Variants in DCLK1 observed in about 807,000 individuals in gnomAD.
DCLK1 encodes serine/threonine-protein kinase DCLK1.
A neutral mutation model predicts 86.2 loss-of-function variants in DCLK1; 16 were observed. The ratio of observed to expected loss-of-function variants is 0.19; its 90% CI spans 0.13 to 0.28. The LOEUF is 0.28. DCLK1 is among the 10% of genes least tolerant of loss of function. DCLK1 has a pLI of 1.00. For missense variants in DCLK1, 590 were observed against 940.2 expected, an observed-to-expected ratio of 0.63 and a Z score of 4.87; for synonymous variants, 369 against 370.5, an observed-to-expected ratio of 1.00 and a Z score of 0.05.
In DCLK1 at chr13:35,901,491, C is replaced by CAAAAAAAAAAAAAAAAAA. The variant is rs58801666; in HGVS notation, c.824-30169_824-30152dup. Among the ~76,000 whole-genome samples, 4 of 45,878 alleles carry CAAAAAAAAAAAAAAAAAA rather than the reference C, an allele frequency of 8.7e-5. 1 individual carries two copies. Among genetic ancestry groups the CAAAAAAAAAAAAAAAAAA allele is most frequent in the African/African-American group, 3.9e-4 (4 of 10,368 alleles). The allele number at this position is 45,878 out of a possible 152,430, so 30.1% of individuals were successfully genotyped here. On this transcript the variant is annotated intron_variant, in intron 4 of 16. Coordinates refer to ENST00000360631, the MANE Select transcript of DCLK1 (RefSeq NM_001330071.2). Reference sequence around the variant, plus strand: ...GGTGACAGAGTGAGAGACTCTGTCTCAAAAAAAAAAAAAAAAAAAAAAAAA... The same window carrying CAAAAAAAAAAAAAAAAAA: ...GGTGACAGAGTGAGAGACTCTGTCTCAAAAAAAAAAAAAAAAAAAAAAAAAAAAAAAAAAAAAAAAAAA...
intron 3 of DCLK1, among the ~76,000 whole-genome samples, chr13:36,101,854 C>T (rs551606270): frequency 2.0e-4 from 30 of 152,258 alleles, no homozygotes; most frequent in Middle Eastern, 3.4e-3. Context: ...AGGGATTCTT[C>T]TGCCTCAGCC....
At chr13:35,986,660 T>C (rs1879931056) in intron 3 of DCLK1, among the ~76,000 whole-genome samples, 1 of 152,124 alleles carries the variant, frequency 6.6e-6, no homozygotes, top group Non-Finnish European at 1.5e-5. Flanking sequence ...CTTTTGTCGC[T>C]CACTCGCAGC....
At chr13:36,061,525 G>T in intron 3 of DCLK1, among the ~76,000 whole-genome samples, 1 of 151,980 alleles carries the variant, frequency 6.6e-6, no homozygotes, top group Non-Finnish European at 1.5e-5. Context: ...ATTTCCATTT[G>T]GATTCTTTTG....
intron 2 of DCLK1, among the ~76,000 whole-genome samples, chr13:36,118,234 T>C (rs1484068460): frequency 6.6e-6 from 1 of 151,902 alleles, no homozygotes; most frequent in Non-Finnish European, 1.5e-5. Flanking sequence ...GAAGTGAACA[T>C]GGGGAGAGAG....
chr13:36,018,988 G>T (rs577022869), intron 3 of DCLK1, among the ~76,000 whole-genome samples: 1 of 152,180 alleles, frequency 6.6e-6, no homozygotes, highest in East Asian at 1.9e-4. Flanking sequence ...AGACCCAATT[G>T]CTTGTTTCAG....
intron 4 of DCLK1, among the ~76,000 whole-genome samples, chr13:35,909,655 CA>C (rs1874897079): frequency 6.9e-6 from 1 of 145,582 alleles, no homozygotes; most frequent in African/African-American, 2.6e-5. Flanking sequence ...TTTTTTTCTA[CA>C]AAGGAAAAAA....
chr13:35,814,870 A>T (rs943782278), intron 11 of DCLK1, among the ~76,000 whole-genome samples: 1 of 152,232 alleles, frequency 6.6e-6, no homozygotes, highest in African/African-American at 2.4e-5. Flanking sequence ...ATATTACCAT[A>T]AAGACTGTCA....
chr13:35,927,470 TGATAAG>T (rs1876188247), intron 4 of DCLK1, among the ~76,000 whole-genome samples: 2 of 152,240 alleles, frequency 1.3e-5, no homozygotes, highest in African/African-American at 4.8e-5. Context: ...CCAAAGTCTC[TGATAAG>T]TTCATTGTTT....
rs180993041 is a variant in DCLK1 at position 35,867,582 on chromosome 13, C to T, written c.940+3642G>A. Among the ~76,000 whole-genome samples, 290 of 152,222 alleles carry T rather than the reference C, an allele frequency of 1.9e-3. 1 individual carries two copies. The highest frequency in any genetic ancestry group is 6.6e-3 in the African/African-American group (273 of 41,526). ...GGCAATGTGTCCTACCCATTTTAAA[C>T]TTCTAAAAGGAATAATTACAAATGT... On this transcript the variant is annotated intron_variant, in intron 5 of 16. Coordinates refer to ENST00000360631, the MANE Select transcript of DCLK1 (RefSeq NM_001330071.2).
chr13:35,893,899 T>G (rs2153120083), intron 4 of DCLK1, among the ~76,000 whole-genome samples: 1 of 152,336 alleles, frequency 6.6e-6, no homozygotes, highest in Middle Eastern at 3.4e-3. Flanking sequence ...ATGATGGTGA[T>G]GCCAAATCAC....
chr13:36,084,354 A>G (rs1884523834), intron 3 of DCLK1, among the ~76,000 whole-genome samples: 1 of 152,220 alleles, frequency 6.6e-6, no homozygotes, highest in Non-Finnish European at 1.5e-5. Context: ...TGATTTTTCA[A>G]ATGACTGACG....
rs1876152117 is a variant in DCLK1, at chr13:35,926,843, G to A, written c.823+20515C>T. Among the ~76,000 whole-genome samples, 9 of 152,356 alleles carry A rather than the reference G, an allele frequency of 5.9e-5. No individual in the cohort carries two copies. In the South Asian group the frequency reaches 1.9e-3, roughly 32 times the overall value. On this transcript the variant is annotated intron_variant, in intron 4 of 16. Coordinates refer to ENST00000360631, the MANE Select transcript of DCLK1 (RefSeq NM_001330071.2). ...GTAATTTGTCCAGGGTCACACAGGT[G>A]AGAAGGGCAGGAGTTGGTGGGACCC...
chr13:35,784,560 C>T (rs2086585698), intron 16 of DCLK1, among the ~76,000 whole-genome samples: 3 of 152,200 alleles, frequency 2.0e-5, no homozygotes, highest in Admixed American at 1.3e-4. Flanking sequence ...CAAGGTACAA[C>T]TGCAAGACCA....
At chr13:35,778,301 C>T (rs1259640757) in intron 16 of DCLK1, among the ~76,000 whole-genome samples, 2 of 152,206 alleles carry the variant, frequency 1.3e-5, no homozygotes, top group African/African-American at 4.8e-5. Flanking sequence ...TAAAAACTTC[C>T]AGGGTGTATA....
intron 5 of DCLK1, among the ~76,000 whole-genome samples, chr13:35,855,309 A>C (rs1385711354): frequency 2.6e-5 from 4 of 152,246 alleles, no homozygotes; most frequent in African/African-American, 9.6e-5. Context: ...CTTTTCTCTA[A>C]GTAACATCAT....
intron 3 of DCLK1, among the ~76,000 whole-genome samples, chr13:36,025,827 A>G (rs186275327): frequency 4.6e-5 from 7 of 152,322 alleles, no homozygotes; most frequent in Admixed American, 3.9e-4. Flanking sequence ...AATATAAAAA[A>G]AAATTTAGAC....
chr13:35,831,930 A>T (rs1450238267), intron 8 of DCLK1, among the ~76,000 whole-genome samples: 1 of 152,160 alleles, frequency 6.6e-6, no homozygotes, highest in Non-Finnish European at 1.5e-5. Context: ...CAACTGAGTG[A>T]TTCCCAACTC....
intron 4 of DCLK1, among the ~76,000 whole-genome samples, chr13:35,890,073 T>C (rs1382598878): frequency 1.3e-5 from 2 of 152,172 alleles, no homozygotes. Context: ...TTCTATAATA[T>C]ATGTGTTGTT....
At chr13:36,109,784 C>G (rs569000235) in intron 3 of DCLK1, among the ~76,000 whole-genome samples, 1 of 152,152 alleles carries the variant, frequency 6.6e-6, no homozygotes, top group Non-Finnish European at 1.5e-5. Flanking sequence ...CATTAAACCT[C>G]GGATTCCGTC....
Sources: allele counts gnomAD v4.1 joint callset (sites outside exome capture counted in the v4.1 genomes callset), GRCh38; gene constraint gnomAD v4.1.1; transcripts MANE v1.5; gene names NCBI Gene and HGNC (gene_info 2026-07-23, HGNC 2026-07-21).